Variants in PPP1R7 observed in about 807,000 individuals in gnomAD.
The protein encoded by PPP1R7 is protein phosphatase 1 regulatory subunit 22.
PPP1R7 carries 18 observed loss-of-function variants against 45.2 expected under a neutral mutation model. The observed-to-expected ratio is 0.40, with a 90% CI of 0.28 to 0.59. PPP1R7 has a LOEUF of 0.59. PPP1R7 is among the 20% of genes least tolerant of loss of function. The pLI, the probability that PPP1R7 is intolerant of heterozygous loss-of-function variation, is 0.46. For missense variants in PPP1R7, 314 were observed against 455.8 expected, an observed-to-expected ratio of 0.69 and a Z score of 2.83; for synonymous variants, 181 against 183.4, an observed-to-expected ratio of 0.99 and a Z score of 0.11.
rs1488865058 is a variant in PPP1R7, at chr2:241,159,357, C to T, written c.434+14C>T. On this transcript the variant is annotated intron_variant, in intron 5 of 9. Transcript: ENST00000234038. ...AACAGAGCTGGAGTGAGTCATGAGACCCACAGGAGAACAGCATGGTGGGAA... is the reference window on the plus strand; with the variant it reads ...AACAGAGCTGGAGTGAGTCATGAGATCCACAGGAGAACAGCATGGTGGGAA... 13 of 1,611,110 alleles carry T rather than the reference C, an allele frequency of 8.1e-6. No homozygotes were observed. The highest frequency in any genetic ancestry group is 1.1e-5 in the Non-Finnish European group (13 of 1,178,346).
At position 241,153,585 on chromosome 2, in the gene PPP1R7, G is replaced by C; in HGVS notation, c.162G>C (p.Arg54=). ...AGAGCCTGAAGGATGGGGAGGAGCG[G>C]GGGGAGGAGGACCCAGAAGGTACCA... is the stretch of plus-strand genomic sequence containing the variant. ...SEQSLKDGEE[R]GEEDPEEEHE... Residue 54 remains arginine (R), a synonymous_variant, in exon 2 of 10, where the codon CGG becomes CGC. Coordinates refer to ENST00000234038, the MANE Select transcript of PPP1R7 (RefSeq NM_002712.3). The C allele has an allele frequency of 6.2e-6, 10 of 1,614,032 alleles. No individual in the cohort carries two copies. The highest frequency in any genetic ancestry group is 7.6e-6 in the Non-Finnish European group (9 of 1,179,990).
chr2:241,150,094 G>A, upstream of PPP1R7: 13 of 1,267,458 alleles, frequency 1.0e-5, no homozygotes, highest in Non-Finnish European at 1.2e-5. Context: ...GCCACGGAAA[G>A]ATCCGCCTGG....
intron 6 of PPP1R7, among the ~76,000 whole-genome samples, chr2:241,161,607 C>T (rs577982198): frequency 1.3e-5 from 2 of 152,334 alleles, no homozygotes; most frequent in Admixed American, 1.3e-4. Flanking sequence ...TCCATTTGAC[C>T]TTGAAAACGT....
intron 6 of PPP1R7, among the ~76,000 whole-genome samples, 157 bp from the exon 7 acceptor site, chr2:241,163,128 T>C (rs1049804747): frequency 2.0e-5 from 3 of 152,094 alleles, no homozygotes; most frequent in Non-Finnish European, 2.9e-5. Context: ...TATTCTACCT[T>C]CAAGTAGGAT....
intron 8 of PPP1R7, chr2:241,167,120 C>G: frequency 6.4e-7 from 1 of 1,562,936 alleles, no homozygotes; most frequent in Admixed American, 1.7e-5. Flanking sequence ...TCCAGCTCAC[C>G]CTGCTCTGCC....
intron 1 of PPP1R7, chr2:241,151,599 G>A: frequency 1.1e-5 from 5 of 470,988 alleles, no homozygotes; most frequent in South Asian, 3.1e-5. Context: ...GGATGGGGGC[G>A]GTAGTGTTAA....
intron 9 of PPP1R7, among the ~76,000 whole-genome samples, chr2:241,172,519 C>T (rs2067833874): frequency 1.3e-5 from 2 of 151,962 alleles, no homozygotes; most frequent in Admixed American, 1.3e-4. Context: ...GTGGCACATG[C>T]TGTAGTCCAA....
chr2:241,182,425 T>A (rs2068020784), intron 9 of PPP1R7, among the ~76,000 whole-genome samples: 1 of 152,222 alleles, frequency 6.6e-6, no homozygotes, highest in Non-Finnish European at 1.5e-5. Flanking sequence ...TCATAGTGAC[T>A]GGCCCAGGGT....
chr2:241,176,912 T>C (rs2067918300), intron 9 of PPP1R7, among the ~76,000 whole-genome samples: 1 of 152,182 alleles, frequency 6.6e-6, no homozygotes, highest in Non-Finnish European at 1.5e-5. Flanking sequence ...ATACAAGTTT[T>C]CTGTAGGGCA....
rs547262797 is a variant in PPP1R7, at chr2:241,166,988, C to T, written c.819+547C>T. The T allele has an allele frequency of 1.8e-4, 270 of 1,519,002 alleles. 1 individual carries two copies. Among genetic ancestry groups the T allele is most frequent in the Non-Finnish European group, 2.3e-4 (254 of 1,099,100 alleles). 94.1% of individuals were successfully genotyped at this position (1,519,002 alleles called of 1,614,324 possible). A position where few individuals can be genotyped will look rare whatever the true frequency, so the allele number is the denominator to read the frequency against. ...CCCCCATTCCTCCCTGCCTGCTTTC[C>T]ACACCTGTCCTCACCTGTTCATGCT... On this transcript the variant is annotated intron_variant, in intron 8 of 9. Transcript: ENST00000234038.
chr2:241,181,748 G>T (rs989273477), intron 9 of PPP1R7, among the ~76,000 whole-genome samples: 3 of 152,184 alleles, frequency 2.0e-5, no homozygotes, highest in African/African-American at 7.2e-5. Flanking sequence ...ACCCTATAAC[G>T]AGTGCCCCTG....
In PPP1R7 at chr2:241,164,619, C is replaced by T. The variant is rs1031387418; in HGVS notation, c.714+1218C>T. Among the ~76,000 whole-genome samples, 12 of 152,140 alleles carry T rather than the reference C, an allele frequency of 7.9e-5. 1 individual carries two copies. The highest frequency in any genetic ancestry group is 2.9e-4 in the African/African-American group (12 of 41,416). On this transcript the variant is annotated intron_variant, in intron 7 of 9. Transcript: ENST00000234038. ...CAGGCTTCTTTAAGAAAGTTCTTGG[C>T]CTGGTACAGTGGCTCATGCCTGTAA... is the stretch of plus-strand genomic sequence containing the variant.
At chr2:241,158,645 C>G in intron 4 of PPP1R7, 96 bp downstream of exon 4, 1 of 1,290,338 alleles carries the variant, frequency 7.7e-7, no homozygotes. Flanking sequence ...GGTCCTTGTC[C>G]CAGCCTGTGG....
chr2:241,180,131 G>A (rs182698730), intron 9 of PPP1R7, among the ~76,000 whole-genome samples: 99 of 152,310 alleles, frequency 6.5e-4, no homozygotes, highest in Non-Finnish European at 1.1e-3. Context: ...GACCTCCCAC[G>A]CCAGAGCTGA....
chr2:241,164,725 C>A (rs1468879249), intron 7 of PPP1R7, among the ~76,000 whole-genome samples: 1 of 152,030 alleles, frequency 6.6e-6, no homozygotes, highest in African/African-American at 2.4e-5. Context: ...ATAGTGAGAG[C>A]CCATCTCTAA....
chr2:241,149,615 C>T (rs1039422910), upstream of PPP1R7: 3 of 1,530,408 alleles, frequency 2.0e-6, no homozygotes, highest in African/African-American at 2.7e-5. Flanking sequence ...CACCAAACAC[C>T]CCTACGGCGC....
At chr2:241,163,728 C>T (rs1343609007) in intron 7 of PPP1R7, among the ~76,000 whole-genome samples, 1 of 152,138 alleles carries the variant, frequency 6.6e-6, no homozygotes, top group Non-Finnish European at 1.5e-5. Context: ...CTCAGCCTAC[C>T]AAGTCGGTAG....
intron 9 of PPP1R7, among the ~76,000 whole-genome samples, chr2:241,173,393 G>A (rs780985761): frequency 5.3e-5 from 8 of 152,068 alleles, no homozygotes; most frequent in East Asian, 3.9e-4. Context: ...ACAGGTGTGA[G>A]CCACCACACA....
chr2:241,149,765 G>A, upstream of PPP1R7: 1 of 1,538,836 alleles, frequency 6.5e-7, no homozygotes, highest in South Asian at 1.2e-5. Context: ...GAGGACGCGG[G>A]GCGGCTCGTT....
Sources: gnomAD v4.1 joint callset for allele counts (sites outside exome capture counted in the v4.1 genomes callset) on GRCh38, gnomAD v4.1.1 for gene constraint, MANE v1.5 for transcripts, NCBI Gene and HGNC (gene_info 2026-07-23, HGNC 2026-07-21) for gene names.